Variants in GRIN2B observed in about 807,000 individuals in gnomAD.
The protein encoded by GRIN2B is glutamate ionotropic receptor NMDA type subunit 2B, also known as glutamate receptor ionotropic, NMDA 2B.
Under a neutral mutation model 114.5 loss-of-function variants are expected in GRIN2B, and 5 were observed. That is an observed-to-expected ratio of 0.04 (90% confidence interval 0.02 to 0.09). The LOEUF is 0.09. Ranked by LOEUF, GRIN2B falls within the 10% of genes least tolerant of loss-of-function variation. The probability of loss-of-function intolerance (pLI) is 1.00; values close to 1 mark genes in which losing one functional copy is unlikely to be tolerated. For missense variants in GRIN2B, 1,108 were observed against 1,943.5 expected, an observed-to-expected ratio of 0.57 and a Z score of 8.08; for synonymous variants, 787 against 745.1, an observed-to-expected ratio of 1.06 and a Z score of -0.92.
chr12:13,887,298 CAT>C (rs1232309122), intron 2 of GRIN2B, among the ~76,000 whole-genome samples: 1 of 152,100 alleles, frequency 6.6e-6, no homozygotes, highest in African/African-American at 2.4e-5. Flanking sequence ...CAAGTACAAT[CAT>C]ATAAATACAT....
intron 10 of GRIN2B, among the ~76,000 whole-genome samples, chr12:13,580,267 C>T (rs914242241): frequency 1.3e-5 from 2 of 152,164 alleles, no homozygotes; most frequent in South Asian, 4.1e-4. Context: ...GAACTGCCTT[C>T]TTGGGTAGTT....
chr12:13,861,577 G>A (rs1378481957), intron 3 of GRIN2B, among the ~76,000 whole-genome samples: 2 of 152,174 alleles, frequency 1.3e-5, no homozygotes, highest in African/African-American at 4.8e-5. Context: ...ATTCGAAACA[G>A]TCTCTGTTAC....
chr12:13,793,660 C>T (rs995511206), intron 3 of GRIN2B, among the ~76,000 whole-genome samples: 8 of 152,154 alleles, frequency 5.3e-5, no homozygotes, highest in African/African-American at 1.9e-4. Context: ...GTAACCTATC[C>T]TTAGCACTTT....
chr12:13,919,729 C>T (rs779796289), intron 2 of GRIN2B, among the ~76,000 whole-genome samples: 2 of 152,060 alleles, frequency 1.3e-5, no homozygotes, highest in Non-Finnish European at 2.9e-5. Context: ...CAAGATCTTG[C>T]TTGAAAATTG....
chr12:13,644,511 T>A (rs1325058906), intron 5 of GRIN2B, among the ~76,000 whole-genome samples: 2 of 152,142 alleles, frequency 1.3e-5, no homozygotes, highest in Non-Finnish European at 2.9e-5. Flanking sequence ...GAGCACTGGC[T>A]TCAACTTAAA....
chr12:13,823,763 T>C (rs1278607171), intron 3 of GRIN2B, among the ~76,000 whole-genome samples: 1 of 152,154 alleles, frequency 6.6e-6, no homozygotes, highest in Non-Finnish European at 1.5e-5. Flanking sequence ...ACTTTTTCAC[T>C]ATTGAGTATG....
rs1263451275 is a variant in GRIN2B, at chr12:13,537,843, C to CAGAT, written c.*24936_*24939dup. The CAGAT allele has an allele frequency of 6.6e-6, 1 of 152,076 alleles. No homozygotes were observed. The highest frequency in any genetic ancestry group is 2.4e-5 in the African/African-American group (1 of 41,408). 9.4% of individuals were successfully genotyped at this position (152,076 alleles called of 1,614,324 possible). ...TCCAGGTAACCTTTGATGGGGAGGG[C>CAGAT]AGATAGACCAACATCTGGGTTTCAA... is the stretch of plus-strand genomic sequence containing the variant. On this transcript the variant is annotated 3_prime_UTR_variant, in exon 14 of 14. Transcript: ENST00000609686.
chr12:13,563,969 T>G lies in GRIN2B; in HGVS notation c.3269A>C (p.Lys1090Thr). The G allele has an allele frequency of 6.2e-7, 1 of 1,614,248 alleles. No homozygotes were observed. ...RRKQQYKDSL[K>T]KRPASAKSRR... is the part of the protein sequence containing the mutation. ...GGACTTGGCCGAGGCAGGCCGCTTC[T>G]TCAGGCTGTCCTTATATTGCTGCTT... is the stretch of plus-strand genomic sequence containing the variant. The change falls in exon 14 of 14, where the codon AAG (lysine) becomes ACG (threonine). Residue 1090 changes from lysine to threonine, a missense_variant. By Grantham distance (78) the Lys-to-Thr change is moderately conservative. This residue lies in a region of GRIN2B where 19 missense variants were observed against 62.0 expected (regional missense o/e 0.31). Transcript: ENST00000609686.
intron 4 of GRIN2B, among the ~76,000 whole-genome samples, chr12:13,734,313 T>C (rs1287731485): frequency 6.6e-6 from 1 of 152,178 alleles, no homozygotes; most frequent in East Asian, 1.9e-4. Context: ...AAAGGATGAC[T>C]TAACTTAGGG....
chr12:13,931,910 T>G (rs1867041444), intron 2 of GRIN2B, among the ~76,000 whole-genome samples: 2 of 152,172 alleles, frequency 1.3e-5, no homozygotes, highest in African/African-American at 4.8e-5. Context: ...ATTTCTCACC[T>G]AAATGATGAA....
At chr12:13,849,747 A>G (rs761835232) in intron 3 of GRIN2B, among the ~76,000 whole-genome samples, 10 of 152,116 alleles carry the variant, frequency 6.6e-5, no homozygotes, top group African/African-American at 1.9e-4. Flanking sequence ...TTCCCATCTG[A>G]TTTCAAAGAA....
chr12:13,742,395 G>A (rs1008367416), intron 4 of GRIN2B, among the ~76,000 whole-genome samples: 1 of 152,180 alleles, frequency 6.6e-6, no homozygotes, highest in Non-Finnish European at 1.5e-5. Context: ...GTCTACCAAA[G>A]ATATGGCCTT....
At chr12:13,870,336 C>A (rs896291097) in intron 2 of GRIN2B, among the ~76,000 whole-genome samples, 1 of 152,120 alleles carries the variant, frequency 6.6e-6, no homozygotes, top group Non-Finnish European at 1.5e-5. Flanking sequence ...GGACCAGCAA[C>A]AAAGCAGCAG....
intron 4 of GRIN2B, among the ~76,000 whole-genome samples, chr12:13,751,376 G>T (rs1255306606): frequency 1.3e-5 from 2 of 152,184 alleles, no homozygotes; most frequent in African/African-American, 4.8e-5. Context: ...TTGAAAAGCA[G>T]CAGAACTTGG....
chr12:13,601,967 A>T (rs754506499), intron 10 of GRIN2B, among the ~76,000 whole-genome samples: 4 of 152,178 alleles, frequency 2.6e-5, no homozygotes, highest in Non-Finnish European at 5.9e-5. Flanking sequence ...AAGTGGGGGT[A>T]GCCAACCCTG....
intron 2 of GRIN2B, among the ~76,000 whole-genome samples, chr12:13,969,496 T>C (rs1305636259): frequency 1.3e-5 from 2 of 152,226 alleles, no homozygotes; most frequent in African/African-American, 4.8e-5. Flanking sequence ...GTAATGTGCA[T>C]TAATATAATC....
chr12:13,647,957 G>C (rs186936035), intron 5 of GRIN2B, among the ~76,000 whole-genome samples: 1 of 152,248 alleles, frequency 6.6e-6, no homozygotes, highest in Non-Finnish European at 1.5e-5. Flanking sequence ...ACGAGTCAGA[G>C]AGCATTGGTT....
At chr12:13,883,927 A>G (rs1793881223) in intron 2 of GRIN2B, among the ~76,000 whole-genome samples, 1 of 152,168 alleles carries the variant, frequency 6.6e-6, no homozygotes, top group South Asian at 2.1e-4. Flanking sequence ...TTGTATAATT[A>G]TAGTTCTATG....
intron 3 of GRIN2B, among the ~76,000 whole-genome samples, chr12:13,823,658 T>C (rs1864978760): frequency 6.6e-6 from 1 of 152,160 alleles, no homozygotes; most frequent in Admixed American, 6.5e-5. Context: ...TTTTTTGTAC[T>C]TTATTCCATA....
Sources: allele counts gnomAD v4.1 joint callset (sites outside exome capture counted in the v4.1 genomes callset), GRCh38; gene constraint gnomAD v4.1.1; regional missense constraint gnomAD v4.1.1; transcripts MANE v1.5; gene names NCBI Gene and HGNC (gene_info 2026-07-23, HGNC 2026-07-21).